ADGRL3: variants seen among roughly 807,000 people sequenced by gnomAD.
ADGRL3 encodes the protein adhesion G protein-coupled receptor L3, also known as calcium-independent alpha-latrotoxin receptor 3.
A neutral mutation model predicts 153.5 loss-of-function variants in ADGRL3; 62 were observed. The ratio of observed to expected loss-of-function variants is 0.40; its 90% CI spans 0.33 to 0.50. The LOEUF is 0.50. ADGRL3 is among the 20% of genes least tolerant of loss of function. The pLI, the probability that ADGRL3 is intolerant of heterozygous loss-of-function variation, is 0.47. For missense variants in ADGRL3, 1,641 were observed against 1,859.4 expected, an observed-to-expected ratio of 0.88 and a Z score of 2.16; for synonymous variants, 710 against 672.5, an observed-to-expected ratio of 1.06 and a Z score of -0.86.
chr4:61,528,548 T>G (rs1181974720), intron 4 of ADGRL3, among the ~76,000 whole-genome samples: 2 of 152,044 alleles, frequency 1.3e-5, no homozygotes, highest in African/African-American at 4.8e-5. Context: ...ATATGGGGAT[T>G]TATATAGATT....
intron 24 of ADGRL3, among the ~76,000 whole-genome samples, chr4:62,043,605 A>T (rs532250010): frequency 1.3e-5 from 2 of 152,266 alleles, no homozygotes; most frequent in South Asian, 2.1e-4. Flanking sequence ...TTTCATAAGT[A>T]GTAGCAATGT....
intron 11 of ADGRL3, among the ~76,000 whole-genome samples, chr4:61,899,776 A>T (rs1032317963): frequency 3.9e-5 from 6 of 152,166 alleles, no homozygotes; most frequent in Admixed American, 3.3e-4. Flanking sequence ...CCTTTCTCTG[A>T]TGAGGGCCTG....
chr4:61,556,415 G>A (rs988998856), intron 4 of ADGRL3, among the ~76,000 whole-genome samples: 1 of 152,098 alleles, frequency 6.6e-6, no homozygotes, highest in Non-Finnish European at 1.5e-5. Flanking sequence ...GAATGAGCCG[G>A]GGGAGAGCAG....
chr4:61,423,389 C>T (rs1160591897), intron 2 of ADGRL3, among the ~76,000 whole-genome samples: 1 of 152,166 alleles, frequency 6.6e-6, no homozygotes, highest in African/African-American at 2.4e-5. Flanking sequence ...TTTCAGGAAA[C>T]ATTGAATCCA....
At chr4:61,642,525 C>T (rs2093731344) in intron 5 of ADGRL3, among the ~76,000 whole-genome samples, 2 of 152,100 alleles carry the variant, frequency 1.3e-5, no homozygotes, top group African/African-American at 4.8e-5. Flanking sequence ...GTTTTCCCAG[C>T]ACCATTTATT....
chr4:61,598,042 A>G (rs1375683971), intron 5 of ADGRL3, among the ~76,000 whole-genome samples: 1 of 152,162 alleles, frequency 6.6e-6, no homozygotes, highest in African/African-American at 2.4e-5. Flanking sequence ...TAATTCAAGT[A>G]GATCATCCTT....
At chr4:62,069,418 TA>T (rs1357924784) in intron 26 of ADGRL3, among the ~76,000 whole-genome samples, 1 of 152,130 alleles carries the variant, frequency 6.6e-6, no homozygotes, top group Non-Finnish European at 1.5e-5. Context: ...AATTAGAAAG[TA>T]AATCCAAATA....
intron 7 of ADGRL3, among the ~76,000 whole-genome samples, chr4:61,731,042 A>T (rs554512579): frequency 6.6e-6 from 1 of 152,134 alleles, no homozygotes; most frequent in East Asian, 1.9e-4. Context: ...AAAGTAAGTT[A>T]CTTTAGTCAT....
At chr4:61,921,228 G>T (rs1012867491) in intron 13 of ADGRL3, among the ~76,000 whole-genome samples, 2 of 151,946 alleles carry the variant, frequency 1.3e-5, no homozygotes, top group African/African-American at 4.8e-5. Context: ...ATAGACACAT[G>T]GTATAAAATT....
intron 20 of ADGRL3, among the ~76,000 whole-genome samples, chr4:61,997,246 GAAAAA>G (rs770994492): frequency 2.8e-5 from 2 of 71,804 alleles, no homozygotes; most frequent in Admixed American, 1.6e-4. Flanking sequence ...TATTTCAACA[GAAAAA>G]AAAAAAAAAA....
chr4:62,058,708 A>C (rs1738422269), intron 25 of ADGRL3, among the ~76,000 whole-genome samples: 1 of 152,182 alleles, frequency 6.6e-6, no homozygotes, highest in Non-Finnish European at 1.5e-5. Context: ...GCTGAAAAAC[A>C]GTGACAGATG....
At chr4:61,368,797 T>A (rs886264225) in intron 1 of ADGRL3, among the ~76,000 whole-genome samples, 30 of 152,200 alleles carry the variant, frequency 2.0e-4, no homozygotes, top group Non-Finnish European at 3.7e-4. Context: ...GGGATGGCAT[T>A]GAATCTGTAA....
intron 21 of ADGRL3, among the ~76,000 whole-genome samples, chr4:62,018,276 T>C (rs1581908657): frequency 6.6e-6 from 1 of 152,024 alleles, no homozygotes; most frequent in Admixed American, 6.6e-5. Context: ...AAGAGCTTTG[T>C]GTTGTGTTCT....
At chr4:61,654,522 A>G (rs1189090930) in intron 5 of ADGRL3, among the ~76,000 whole-genome samples, 1 of 152,018 alleles carries the variant, frequency 6.6e-6, no homozygotes, top group South Asian at 2.1e-4. Context: ...TTAGAATTGT[A>G]TTCCATTTTA....
intron 8 of ADGRL3, among the ~76,000 whole-genome samples, chr4:61,757,595 AG>A: frequency 1.3e-5 from 2 of 152,164 alleles, no homozygotes; most frequent in South Asian, 4.2e-4. Flanking sequence ...GATTTTTTGA[AG>A]GGTTTTTTTG....
chr4:61,328,079 C>A (rs1347690263), intron 1 of ADGRL3, among the ~76,000 whole-genome samples: 1 of 151,930 alleles, frequency 6.6e-6, no homozygotes, highest in East Asian at 1.9e-4. Flanking sequence ...AATTTGCATA[C>A]ATTTAGTAGT....
chr4:61,434,932 A>G (rs924626991), intron 2 of ADGRL3, among the ~76,000 whole-genome samples: 3 of 152,076 alleles, frequency 2.0e-5, no homozygotes, highest in African/African-American at 7.2e-5. Context: ...TATAAAACAA[A>G]ACTGATTTGT....
At chr4:61,832,774 A>G (rs1469245294) in intron 9 of ADGRL3, among the ~76,000 whole-genome samples, 1 of 150,880 alleles carries the variant, frequency 6.6e-6, no homozygotes, top group Non-Finnish European at 1.5e-5. Flanking sequence ...GCCTAGAATC[A>G]TTGTTTTTCG....
At chr4:61,924,027 C>G (rs1314299347) in intron 13 of ADGRL3, among the ~76,000 whole-genome samples, 8 of 151,760 alleles carry the variant, frequency 5.3e-5, no homozygotes, top group South Asian at 2.1e-4. Context: ...TTGTCAACCC[C>G]TCTCCTCTCA....
Sources: allele counts gnomAD v4.1 joint callset (sites outside exome capture counted in the v4.1 genomes callset), GRCh38; gene constraint gnomAD v4.1.1; transcripts MANE v1.5; gene names NCBI Gene and HGNC (gene_info 2026-07-23, HGNC 2026-07-21).